The following XKR4 variants were observed in gnomAD, a reference collection of about 807,000 sequenced individuals.
XKR4 encodes XK-related protein 4.
In XKR4, 12 loss-of-function variants were observed where a neutral mutation model predicts 53.9. The ratio of observed to expected loss-of-function variants is 0.22; its 90% CI spans 0.14 to 0.36. The LOEUF (loss-of-function observed/expected upper bound fraction) is 0.36, where lower values mean the gene tolerates loss of function less well. Among genes scored for constraint, XKR4 ranks in the 10% least tolerant of loss-of-function variants. The pLI is 1.00. For missense variants in XKR4, 799 were observed against 859.5 expected (o/e 0.93, Z 0.88); for synonymous variants, 354 against 362.4 (o/e 0.98, Z 0.26).
At chr8:55,194,026 T>A (rs1817475797) in intron 1 of XKR4, among the ~76,000 whole-genome samples, 1 of 152,220 alleles carries the variant, frequency 6.6e-6, no homozygotes, top group South Asian at 2.1e-4. Flanking sequence ...CAGAGCTCCC[T>A]GCCTGGGTCC....
chr8:55,169,748 A>G (rs1817131735), intron 1 of XKR4, among the ~76,000 whole-genome samples: 1 of 152,258 alleles, frequency 6.6e-6, no homozygotes, highest in African/African-American at 2.4e-5. Flanking sequence ...AATTAAATCA[A>G]AATTGAAAGT....
chr8:55,463,351 T>A (rs999348945), intron 2 of XKR4, among the ~76,000 whole-genome samples: 19 of 151,858 alleles, frequency 1.3e-4, no homozygotes, highest in Non-Finnish European at 2.1e-4. Context: ...ACATGGAAAC[T>A]GAACAACCTG....
At chr8:55,340,670 A>G (rs907526739) in intron 1 of XKR4, among the ~76,000 whole-genome samples, 3 of 152,212 alleles carry the variant, frequency 2.0e-5, no homozygotes, top group African/African-American at 7.2e-5. Context: ...TGAATTAGGG[A>G]TCACTCCTCG....
At chr8:55,481,874 A>C (rs1806114220) in intron 2 of XKR4, among the ~76,000 whole-genome samples, 2 of 152,214 alleles carry the variant, frequency 1.3e-5, no homozygotes, top group Non-Finnish European at 2.9e-5. Flanking sequence ...TAGAATGGAA[A>C]TCATTAAAAA....
chr8:55,399,271 T>G (rs1399170055), intron 2 of XKR4, among the ~76,000 whole-genome samples: 1 of 152,196 alleles, frequency 6.6e-6, no homozygotes. Context: ...TATGTCCACA[T>G]GTACAGAAGA....
In XKR4 at chr8:55,103,011, G is replaced by T. The variant is rs1816074875; in HGVS notation, c.523G>T (p.Asp175Tyr). The change falls in exon 1 of 3, where the codon GAC becomes TAC. Residue 175 changes from aspartate (D) to tyrosine (Y), a missense_variant. By Grantham distance (160) the Asp-to-Tyr change is radical. Transcript: ENST00000327381. ...RWFVHDFSTE[D>Y]SATAAAASSC... is the part of the protein sequence containing the mutation. ...GTTTGTGCACGATTTCAGCACCGAGGACAGCGCCACGGCCGCTGCTGCCTC... is the reference window on the plus strand; with the variant it reads ...GTTTGTGCACGATTTCAGCACCGAGTACAGCGCCACGGCCGCTGCTGCCTC... 4 of 1,612,366 alleles carry T rather than the reference G, an allele frequency of 2.5e-6. No individual in the cohort carries two copies. The highest frequency in any genetic ancestry group is 3.4e-6 in the Non-Finnish European group (4 of 1,179,820).
At chr8:55,451,493 C>T in intron 2 of XKR4, 1 of 1,123,378 alleles carries the variant, frequency 8.9e-7, no homozygotes, top group East Asian at 2.5e-5. Context: ...TGGAACTGGC[C>T]TGGAGAAGGT....
chr8:55,211,141 C>T (rs932337914), intron 1 of XKR4, among the ~76,000 whole-genome samples: 2 of 152,196 alleles, frequency 1.3e-5, no homozygotes, highest in African/African-American at 4.8e-5. Flanking sequence ...TAACTGCCTG[C>T]CTGATTGGTT....
chr8:55,450,508 C>T, intron 2 of XKR4: 1 of 642,828 alleles, frequency 1.6e-6, no homozygotes. Context: ...GCTCAATGTG[C>T]TCATAGTCAG....
At chr8:55,374,427 G>A (rs1037196236) in intron 2 of XKR4, among the ~76,000 whole-genome samples, 3 of 152,122 alleles carry the variant, frequency 2.0e-5, no homozygotes, top group African/African-American at 7.2e-5. Context: ...AGTGAGAGAG[G>A]ATTTGCACAC....
rs1055544211 is a variant in XKR4 at position 55,525,968 on chromosome 8, G to T, written c.*1741G>T. 1 of 152,548 alleles carries T rather than the reference G, an allele frequency of 6.6e-6. No homozygotes were observed. Among genetic ancestry groups the T allele is most frequent in the Admixed American group, 6.5e-5 (1 of 15,278 alleles). The allele number at this position is 152,548 out of a possible 1,614,324, so 9.4% of individuals were successfully genotyped here. ...GCTATCAGAATATCAGGTGAAGAGA[G>T]AATCAGCTTAAATAGAAAGGGCTTG... On this transcript the variant is annotated 3_prime_UTR_variant, in exon 3 of 3. Transcript: ENST00000327381.
At chr8:55,109,401 G>A (rs776577097) in intron 1 of XKR4, among the ~76,000 whole-genome samples, 4 of 152,148 alleles carry the variant, frequency 2.6e-5, no homozygotes, top group Non-Finnish European at 4.4e-5. Flanking sequence ...CTATAATTGT[G>A]CCACTTTAAA....
chr8:55,151,266 A>G (rs960247999), intron 1 of XKR4, among the ~76,000 whole-genome samples: 10 of 152,224 alleles, frequency 6.6e-5, no homozygotes, highest in African/African-American at 2.4e-4. Context: ...AGCAAACTTC[A>G]CAGGACATTA....
At chr8:55,492,592 A>C (rs1392078005) in intron 2 of XKR4, among the ~76,000 whole-genome samples, 1 of 152,258 alleles carries the variant, frequency 6.6e-6, no homozygotes, top group Non-Finnish European at 1.5e-5. Flanking sequence ...CCATGATGCC[A>C]TCGCTTAGAA....
chr8:55,102,534 G>A lies in XKR4; in HGVS notation c.46G>A (p.Asp16Asn). ...DGRLKMKKSS[D>N]VAFTPLQNSD... ...GAGGCTGAAAATGAAGAAAAGCAGC[G>A]ACGTGGCGTTCACCCCGCTGCAGAA... Residue 16 changes from aspartate to asparagine, a missense_variant, in exon 1 of 3, where the codon GAC (aspartate) becomes AAC (asparagine). By Grantham distance (23) the Asp-to-Asn change is conservative. This residue lies in a region of XKR4 where 476 missense variants were observed against 505.4 expected (regional missense o/e 0.94). Coordinates refer to ENST00000327381, the MANE Select transcript of XKR4 (RefSeq NM_052898.2). This position sits in a 1 kb window ranked among gnomAD's most constrained non-coding sequence, Gnocchi z 5.1. 6.5e-7 allele frequency: 1 copy of A among 1,549,588 alleles called. No homozygotes were observed. Among genetic ancestry groups the A allele is most frequent in the South Asian group, 1.1e-5 (1 of 88,090 alleles).
intron 2 of XKR4, among the ~76,000 whole-genome samples, chr8:55,448,117 T>C (rs923974025): frequency 6.6e-6 from 1 of 152,236 alleles, no homozygotes; most frequent in Non-Finnish European, 1.5e-5. Flanking sequence ...TTGCAGTTTC[T>C]TTCTTTCTTT....
intron 2 of XKR4, among the ~76,000 whole-genome samples, chr8:55,496,732 C>T (rs897948157): frequency 6.6e-6 from 1 of 152,186 alleles, no homozygotes; most frequent in Non-Finnish European, 1.5e-5. Flanking sequence ...CCTACAAGTG[C>T]ACCTCAGACA....
intron 2 of XKR4, among the ~76,000 whole-genome samples, chr8:55,388,218 T>G (rs1804355612): frequency 6.6e-6 from 1 of 152,194 alleles, no homozygotes; most frequent in Non-Finnish European, 1.5e-5. Flanking sequence ...TCATTTAATA[T>G]TAACCAATTT....
chr8:55,432,752 A>G (rs1027962892), intron 2 of XKR4, among the ~76,000 whole-genome samples: 1 of 151,620 alleles, frequency 6.6e-6, no homozygotes, highest in Non-Finnish European at 1.5e-5. Context: ...CCTTATTTTC[A>G]TTAACTTTTT....
Sources: allele counts gnomAD v4.1 joint callset (sites outside exome capture counted in the v4.1 genomes callset), GRCh38; gene constraint gnomAD v4.1.1; regional missense constraint gnomAD v4.1.1; non-coding constraint Gnocchi (gnomAD v3.1); transcripts MANE v1.5; gene names NCBI Gene and HGNC (gene_info 2026-07-23, HGNC 2026-07-21).